FCSK: variants seen among roughly 807,000 people sequenced by gnomAD.
FCSK encodes fucose kinase.
Under a neutral mutation model 122.5 loss-of-function variants are expected in FCSK, and 123 were observed. That is an observed-to-expected ratio of 1.00 (90% CI 0.87 to 1.17). FCSK has a LOEUF of 1.17. Ranked by LOEUF, FCSK falls within the 50% of genes most tolerant of loss-of-function variation. FCSK has a pLI of 0.00. For synonymous variants in FCSK, 620 were observed against 625.5 expected, an observed-to-expected ratio of 0.99 and a Z score of 0.13; for missense variants, 1,366 against 1,450.4, an observed-to-expected ratio of 0.94 and a Z score of 0.95.
chr16:70,476,509 A>G (rs1222097461), intron 20 of FCSK, among the ~76,000 whole-genome samples: 2 of 151,234 alleles, frequency 1.3e-5, no homozygotes, highest in African/African-American at 2.4e-5. Context: ...AACAATGACT[A>G]TGATCTAATG....
chr16:70,461,831 T>C (rs2151703334), intron 1 of FCSK, among the ~76,000 whole-genome samples: 1 of 152,328 alleles, frequency 6.6e-6, no homozygotes, highest in African/African-American at 2.4e-5. Context: ...TTTTGGAATG[T>C]CAGCAGACAT....
intron 1 of FCSK, among the ~76,000 whole-genome samples, chr16:70,461,288 G>A (rs756119963): frequency 1.3e-4 from 20 of 152,136 alleles, no homozygotes; most frequent in Non-Finnish European, 2.5e-4. Flanking sequence ...CTTTTCCCAT[G>A]CTGAGTTTTG....
rs1230531288 is a variant in FCSK at position 70,467,126 on chromosome 16, C to G, written c.484+172C>G. On this transcript the variant is annotated intron_variant, in intron 6 of 23. Coordinates refer to ENST00000288078, the MANE Select transcript of FCSK (RefSeq NM_145059.3). ...GGAGGCAGGGCTTCTCCTGCTGTGC[C>G]TCAGTCTGTCTGTCTATAGGATGGA... The G allele has an allele frequency of 7.2e-6, 5 of 692,204 alleles. No homozygotes were observed. The African/African-American group carries it at 8.8e-5, about 12-fold the overall frequency. The allele number at this position is 692,204 out of a possible 1,614,324, so 42.9% of individuals were successfully genotyped here. A position where few individuals can be genotyped will look rare whatever the true frequency, so the allele number is the denominator to read the frequency against.
chr16:70,463,931 C>T (rs941420488), intron 3 of FCSK, among the ~76,000 whole-genome samples, 157 bp downstream of exon 3: 7 of 144,304 alleles, frequency 4.9e-5, no homozygotes, highest in South Asian at 2.1e-4. Context: ...TCTGCCTTGC[C>T]GTTCAAGTGA....
chr16:70,467,277 C>A, intron 6 of FCSK, 97 bp from the exon 7 acceptor site: 1 of 775,734 alleles, frequency 1.3e-6, no homozygotes, highest in Non-Finnish European at 2.1e-6. Context: ...TAGAGGTGCC[C>A]AGGTGCCGCA....
At chr16:70,470,272 G>A (rs372950440) in intron 10 of FCSK, 42 bp from the exon 11 acceptor site, 6 of 1,397,368 alleles carry the variant, frequency 4.3e-6, no homozygotes, top group East Asian at 2.3e-5. Flanking sequence ...CCCCTGAGTC[G>A]CAGCAGGCAT....
intron 20 of FCSK, among the ~76,000 whole-genome samples, chr16:70,476,693 TGTG>T (rs950702175): frequency 6.6e-6 from 1 of 152,184 alleles, no homozygotes; most frequent in African/African-American, 2.4e-5. Context: ...GAAGCCTGAC[TGTG>T]GTGTTTTCTG....
intron 10 of FCSK, 76 bp from the exon 11 acceptor site, chr16:70,470,238 C>T (rs1427062268): frequency 1.0e-6 from 1 of 979,008 alleles, no homozygotes; most frequent in Non-Finnish European, 1.6e-6. Context: ...CCCCATGTGT[C>T]TCTGCTGCTG....
At position 70,474,674 on chromosome 16, in the gene FCSK, C is replaced by T. The variant is rs765330653; in HGVS notation, c.2135C>T (p.Pro712Leu). ...GGGCAGTGGGTGGTGGCTGAGTGCC[C>T]GGCCCGTGTGGATTTCTCTGGTGAG... is the stretch of plus-strand genomic sequence containing the variant. ...GPGQWVVAEC[P>L]ARVDFSGGWS... is the part of the protein sequence containing the mutation. The change falls in exon 17 of 24, where the codon CCG becomes CTG. Residue 712 changes from proline to leucine, a missense_variant. Physicochemically the swap from Pro to Leu is moderately conservative, Grantham distance 98. Transcript: ENST00000288078. The T allele has an allele frequency of 1.1e-5, 17 of 1,600,892 alleles. No individual in the cohort carries two copies. Among genetic ancestry groups the T allele is most frequent in the Admixed American group, 3.5e-5 (2 of 57,866 alleles).
chr16:70,466,859 G>A (rs368019828), intron 5 of FCSK, 23 bp from the exon 6 acceptor site: 33 of 1,609,454 alleles, frequency 2.1e-5, no homozygotes, highest in African/African-American at 1.7e-4. Context: ...CACCAGCTGT[G>A]TTCTGTCTCC....
chr16:70,479,671 T>G lies in FCSK; in HGVS notation c.3246T>G (p.Pro1082=), dbSNP rs544693985. 1 of 1,613,594 alleles carries G rather than the reference T, an allele frequency of 6.2e-7. No homozygotes were observed. Among genetic ancestry groups the G allele is most frequent in the Non-Finnish European group, 8.5e-7 (1 of 1,179,690 alleles). Reference sequence around the variant, plus strand: ...GGACCGAGGCCTCAACCTGTTGCCCTTTCCCATGAAGCTGGCTTCTCTCTG... The same window carrying G: ...GGACCGAGGCCTCAACCTGTTGCCCGTTCCCATGAAGCTGGCTTCTCTCTG... ...LLGTEASTCC[P]FP The change falls in exon 24 of 24, where the codon CCT becomes CCG. Residue 1082 remains proline (P), a synonymous_variant. Coordinates refer to ENST00000288078, the MANE Select transcript of FCSK (RefSeq NM_145059.3).
At chr16:70,460,989 C>T (rs2048248500) in intron 1 of FCSK, among the ~76,000 whole-genome samples, 1 of 152,200 alleles carries the variant, frequency 6.6e-6, no homozygotes, top group East Asian at 1.9e-4. Context: ...AGCCTTCACC[C>T]TCAAGTGCCT....
chr16:70,463,338 C>T, intron 2 of FCSK, 66 bp downstream of exon 2: 2 of 1,408,666 alleles, frequency 1.4e-6, no homozygotes, highest in Non-Finnish European at 2.0e-6. Context: ...GGCTATGTCC[C>T]TCCAACACCA....
chr16:70,478,371 C>A lies in FCSK; in HGVS notation c.2741C>A (p.Thr914Lys), dbSNP rs200944357. Residue 914 changes from threonine (T) to lysine (K), a missense_variant, in exon 21 of 24, where the codon ACG becomes AAG. Coordinates refer to ENST00000288078, the MANE Select transcript of FCSK (RefSeq NM_145059.3). ...LPLKVEVEEV[T>K]VPEGFVQKLN... is the part of the protein sequence containing the mutation. ...CTGAAGGTGGAGGTAGAAGAGGTCA[C>A]GGTGCCTGAGGGCTTTGTCCAGAAG... The A allele has an allele frequency of 8.1e-6, 13 of 1,614,212 alleles. No homozygotes were observed. In the South Asian group the frequency reaches 9.9e-5, roughly 12 times the overall value.
At position 70,471,752 on chromosome 16, in the gene FCSK, C is replaced by T. The variant is rs2048627836; in HGVS notation, c.1341+400C>T. 2.0e-5 allele frequency among the ~76,000 whole-genome samples: 3 copies of T among 152,042 alleles called. No homozygotes were observed. In the South Asian group the frequency reaches 6.2e-4, roughly 32 times the overall value. ...TAGCTGGGACTACCAGCGTGCACCACCACGCCCAGCTTAGTAGAGATGGGG... is the reference window on the plus strand; with the variant it reads ...TAGCTGGGACTACCAGCGTGCACCATCACGCCCAGCTTAGTAGAGATGGGG... On this transcript the variant is annotated intron_variant, in intron 13 of 23. Coordinates refer to ENST00000288078, the MANE Select transcript of FCSK (RefSeq NM_145059.3).
intron 10 of FCSK, 59 bp from the exon 11 acceptor site, chr16:70,470,255 A>G: frequency 8.4e-7 from 1 of 1,188,296 alleles, no homozygotes; most frequent in Non-Finnish European, 1.2e-6. Flanking sequence ...GCTGGGAGGC[A>G]GCCTGGCCCC....
Position 70,460,560 on chromosome 16 carries a change from A to G in FCSK, c.-22-2609A>G, listed in dbSNP as rs1269673636. Among the ~76,000 whole-genome samples the G allele has an allele frequency of 4.0e-5, 6 of 151,516 alleles. No individual in the cohort carries two copies. In the East Asian group the frequency reaches 1.2e-3, roughly 29 times the overall value. ...GCTGGGACTACAGGCACGTGCCACC[A>G]CATCTGGCTAATTTTTGTATTTTTA... is the stretch of plus-strand genomic sequence containing the variant. On this transcript the variant is annotated intron_variant, in intron 1 of 23. Coordinates refer to ENST00000288078, the MANE Select transcript of FCSK (RefSeq NM_145059.3).
intron 2 of FCSK, 60 bp from the exon 3 acceptor site, chr16:70,463,563 C>T (rs17880218): frequency 0.029 from 45,668 of 1,591,746 alleles, 787 homozygotes; most frequent in Non-Finnish European, 0.034. Flanking sequence ...GGCTTGCTTA[C>T]GTGCTTTGGG....
intron 1 of FCSK, among the ~76,000 whole-genome samples, chr16:70,457,413 C>T (rs748982929): frequency 2.0e-5 from 3 of 152,022 alleles, no homozygotes; most frequent in South Asian, 2.1e-4. Context: ...CATCACTACA[C>T]CCGGCTAATT....
Sources: allele counts gnomAD v4.1 joint callset (sites outside exome capture counted in the v4.1 genomes callset), GRCh38; gene constraint gnomAD v4.1.1; transcripts MANE v1.5; gene names NCBI Gene and HGNC (gene_info 2026-07-23, HGNC 2026-07-21).